Variants in CHN1 observed in about 807,000 individuals in gnomAD.
The protein encoded by CHN1 is N-chimaerin.
A neutral mutation model predicts 59.5 loss-of-function variants in CHN1; 37 were observed. That is an observed-to-expected ratio of 0.62 (90% CI 0.48 to 0.82). The LOEUF (loss-of-function observed/expected upper bound fraction) is 0.82, where lower values mean the gene tolerates loss of function less well. Among genes scored for constraint, CHN1 ranks in the 40% least tolerant of loss-of-function variants. CHN1 has a pLI of 0.00. For synonymous variants in CHN1, 206 were observed against 200.4 expected, an observed-to-expected ratio of 1.03 and a Z score of -0.24; for missense variants, 469 against 571.0, an observed-to-expected ratio of 0.82 and a Z score of 1.82.
intron 4 of CHN1, among the ~76,000 whole-genome samples, chr2:174,918,096 T>A (rs1365542054): frequency 6.6e-6 from 1 of 152,080 alleles, no homozygotes; most frequent in African/African-American, 2.4e-5. Context: ...CTGAGTAGCA[T>A]GAATTATTAT....
rs1200778506 is a variant in CHN1, at chr2:174,799,312, G to A, written c.*804C>T. On this transcript the variant is annotated 3_prime_UTR_variant, in exon 13 of 13. Coordinates refer to ENST00000409900, the MANE Select transcript of CHN1 (RefSeq NM_001822.7). The stretch of plus-strand genomic sequence containing the variant: ...TCACTTTTAACAGTAAACAAAAGAG[G>A]TCAGAAGAAGTACTCAGTATTTAAT... 6 of 366,746 alleles carry A rather than the reference G, an allele frequency of 1.6e-5. No homozygotes were observed. Among genetic ancestry groups the A allele is most frequent in the Non-Finnish European group, 3.1e-5 (6 of 191,094 alleles). 22.7% of individuals were successfully genotyped at this position (366,746 alleles called of 1,614,324 possible).
At chr2:174,990,940 A>G (rs184297844) in intron 1 of CHN1, among the ~76,000 whole-genome samples, 767 of 152,348 alleles carry the variant, frequency 5.0e-3, no homozygotes, top group Non-Finnish European at 7.7e-3. Context: ...AACAACTTAC[A>G]GGAGTAGTAA....
chr2:174,808,929 A>G lies in CHN1; in HGVS notation c.1078T>C (p.Tyr360His). 6.2e-7 allele frequency: 1 copy of G among 1,613,784 alleles called. No homozygotes were observed. The highest frequency in any genetic ancestry group is 8.5e-7 in the Non-Finnish European group (1 of 1,179,746). The change falls in exon 11 of 13, where the codon TAC becomes CAC. Residue 360 changes from tyrosine (Y) to histidine (H), a missense_variant. Physicochemically the swap from Tyr to His is moderately conservative, Grantham distance 83. Coordinates refer to ENST00000409900, the MANE Select transcript of CHN1 (RefSeq NM_001822.7). ...LPIPLITYDA[Y>H]PKFIESAKIM... Reference sequence around the variant, plus strand: ...CTGGCAGATTCTATAAACTTAGGGTAGGCATCATATGTAATGAGTGGAATT... The same window carrying G: ...CTGGCAGATTCTATAAACTTAGGGTGGGCATCATATGTAATGAGTGGAATT...
At chr2:174,822,904 C>G (rs548883205) in intron 8 of CHN1, among the ~76,000 whole-genome samples, 171 of 152,320 alleles carry the variant, frequency 1.1e-3, no homozygotes, top group African/African-American at 4.0e-3. Flanking sequence ...CAAGTCCACA[C>G]GTGTAGGATT....
At chr2:174,862,231 T>C (rs1421360819) in intron 6 of CHN1, among the ~76,000 whole-genome samples, 6 of 152,168 alleles carry the variant, frequency 3.9e-5, no homozygotes, top group Non-Finnish European at 7.4e-5. Flanking sequence ...TGCCAAAATA[T>C]CAAACCATGT....
chr2:174,962,535 T>A (rs1312679194), intron 1 of CHN1, among the ~76,000 whole-genome samples: 1 of 152,046 alleles, frequency 6.6e-6, no homozygotes, highest in Non-Finnish European at 1.5e-5. Flanking sequence ...TCAAACTCCA[T>A]CAGCAGAATA....
intron 5 of CHN1, among the ~76,000 whole-genome samples, chr2:174,892,027 A>T (rs1688067898): frequency 6.6e-6 from 1 of 152,228 alleles, no homozygotes; most frequent in Admixed American, 6.5e-5. Flanking sequence ...ATAAACATAT[A>T]ACCTACCAAG....
intron 7 of CHN1, among the ~76,000 whole-genome samples, chr2:174,834,589 T>C (rs1686006100): frequency 6.6e-6 from 1 of 152,214 alleles, no homozygotes; most frequent in Non-Finnish European, 1.5e-5. Context: ...GTCACTCCAT[T>C]GTCTTGCATA....
At chr2:174,923,378 G>T (rs1382695022) in intron 3 of CHN1, among the ~76,000 whole-genome samples, 1 of 152,144 alleles carries the variant, frequency 6.6e-6, no homozygotes, top group Non-Finnish European at 1.5e-5. Flanking sequence ...CTGGCCTTGT[G>T]ATCCACCCAC....
intron 11 of CHN1, among the ~76,000 whole-genome samples, chr2:174,803,946 C>T (rs1487315046): frequency 6.6e-6 from 1 of 152,194 alleles, no homozygotes; most frequent in Non-Finnish European, 1.5e-5. Flanking sequence ...CACAGTTAAT[C>T]TCTGTAGGGA....
At chr2:174,847,272 A>T (rs1686552417) in intron 6 of CHN1, 1 of 1,378,256 alleles carries the variant, frequency 7.3e-7, no homozygotes, top group Non-Finnish European at 9.3e-7. Flanking sequence ...GGAGAGGTGG[A>T]GGAGGAGGAT....
At chr2:174,987,540 T>C (rs1691389189) in intron 1 of CHN1, among the ~76,000 whole-genome samples, 1 of 152,018 alleles carries the variant, frequency 6.6e-6, no homozygotes, top group South Asian at 2.1e-4. Context: ...CCCGAGTAGC[T>C]GGGATAACAA....
At chr2:174,886,748 G>T (rs974343055) in intron 5 of CHN1, among the ~76,000 whole-genome samples, 5 of 152,032 alleles carry the variant, frequency 3.3e-5, no homozygotes, top group Non-Finnish European at 5.9e-5. Flanking sequence ...GCCTAAATTT[G>T]GTCAAGTACA....
At chr2:174,935,163 G>A (rs577688825) in intron 3 of CHN1, among the ~76,000 whole-genome samples, 3 of 152,298 alleles carry the variant, frequency 2.0e-5, no homozygotes, top group African/African-American at 7.2e-5. Context: ...TTGGCCAGAG[G>A]AGCTGCATAC....
At chr2:174,992,769 T>C (rs1691583301) in intron 1 of CHN1, among the ~76,000 whole-genome samples, 2 of 152,140 alleles carry the variant, frequency 1.3e-5, no homozygotes, top group Admixed American at 1.3e-4. Context: ...CTAAGTCAGT[T>C]GAGAGAGAAT....
chr2:174,993,138 T>C (rs1275715765), intron 1 of CHN1, among the ~76,000 whole-genome samples: 2 of 151,146 alleles, frequency 1.3e-5, no homozygotes, highest in African/African-American at 4.9e-5. Context: ...ACCCTTGTTA[T>C]ATGATCACAC....
In CHN1 at chr2:174,980,840, T is replaced by A. The variant is rs370625784; in HGVS notation, c.19+24054A>T. Among the ~76,000 whole-genome samples, 82 of 152,318 alleles carry A rather than the reference T, an allele frequency of 5.4e-4. No individual in the cohort carries two copies. The South Asian group carries it at 0.016, about 29-fold the overall frequency. On this transcript the variant is annotated intron_variant, in intron 1 of 12. Transcript: ENST00000409900. ...TGAAATTATCACTCTTCCAGTGACT[T>A]GTAATCATGTAATTTTGAAGGAAAA...
At chr2:174,808,144 C>T (rs1684960443) in intron 11 of CHN1, among the ~76,000 whole-genome samples, 3 of 152,156 alleles carry the variant, frequency 2.0e-5, no homozygotes, top group Non-Finnish European at 4.4e-5. Flanking sequence ...AATGTGTGGG[C>T]CAGTGCCAGT....
chr2:174,917,146 T>C lies in CHN1; in HGVS notation c.146+1388A>G, dbSNP rs188087362. On this transcript the variant is annotated intron_variant, in intron 4 of 12. Coordinates refer to ENST00000409900, the MANE Select transcript of CHN1 (RefSeq NM_001822.7). ...AGGTTTTGTAATTTTTAAAACCTCA[T>C]TGCAGTCCAGGTGCGGTGGCTCACG... Among the ~76,000 whole-genome samples the C allele has an allele frequency of 5.0e-3, 759 of 152,272 alleles. 4 individuals are homozygous for C. The highest frequency in any genetic ancestry group is 8.2e-3 in the Non-Finnish European group (557 of 68,014).
Sources: allele counts gnomAD v4.1 joint callset (sites outside exome capture counted in the v4.1 genomes callset), GRCh38; gene constraint gnomAD v4.1.1; transcripts MANE v1.5; gene names NCBI Gene and HGNC (gene_info 2026-07-23, HGNC 2026-07-21).